Variants in NEMP2 observed in about 807,000 individuals in gnomAD.
NEMP2 encodes UPF0571 transmembrane protein.
NEMP2 carries 53 observed loss-of-function variants against 54.2 expected under a neutral mutation model. The ratio of observed to expected loss-of-function variants is 0.98; its 90% CI spans 0.78 to 1.23. The LOEUF is 1.23. Ranked by LOEUF, NEMP2 falls within the 50% of genes most tolerant of loss-of-function variation. NEMP2 has a pLI of 0.00. For synonymous variants in NEMP2, 197 were observed against 190.3 expected (o/e 1.04, Z -0.29); for missense variants, 455 against 511.3 (o/e 0.89, Z 1.06).
the NEMP2 span, among the ~76,000 whole-genome samples, chr2:190,584,471 C>G: frequency 6.6e-6 from 1 of 152,152 alleles, no homozygotes; most frequent in Non-Finnish European, 1.5e-5. This position sits in a 1 kb window ranked among gnomAD's most constrained non-coding sequence, Gnocchi z 4.2. Context: ...GGGTGTTCAT[C>G]ATGATAGCTC....
the NEMP2 span, among the ~76,000 whole-genome samples, chr2:190,490,685 T>C: frequency 1.3e-5 from 2 of 152,364 alleles, no homozygotes; most frequent in South Asian, 4.1e-4. This position sits in a 1 kb window ranked among gnomAD's most constrained non-coding sequence, Gnocchi z 4.5. Flanking sequence ...TATTAATATG[T>C]AGATGAGAAT....
chr2:190,545,567 G>C, the NEMP2 span, among the ~76,000 whole-genome samples: 1 of 152,124 alleles, frequency 6.6e-6, no homozygotes, highest in African/African-American at 2.4e-5. Context: ...TTAAGACATC[G>C]GGATTGTCTC....
chr2:190,498,360 T>C, the NEMP2 span, among the ~76,000 whole-genome samples: 1 of 152,248 alleles, frequency 6.6e-6, no homozygotes, highest in Non-Finnish European at 1.5e-5. The surrounding 1 kb of genome is among the most constrained non-coding windows in gnomAD (Gnocchi z 5.9). Context: ...CCCCATCTCA[T>C]GATAATCACT....
the NEMP2 span, among the ~76,000 whole-genome samples, chr2:190,620,752 A>C: frequency 6.6e-6 from 1 of 152,258 alleles, no homozygotes; most frequent in African/African-American, 2.4e-5. This position sits in a 1 kb window ranked among gnomAD's most constrained non-coding sequence, Gnocchi z 4.9. Flanking sequence ...ACTGTACAAG[A>C]AGCTCTAGAC....
chr2:190,500,600 ATTATTTATTCT>A (rs1322533994), downstream of NEMP2: 14 of 180,016 alleles, frequency 7.8e-5, no homozygotes, highest in East Asian at 2.0e-3. This position sits in a 1 kb window ranked among gnomAD's most constrained non-coding sequence, Gnocchi z 5.3. Flanking sequence ...CCCTCTTCTG[ATTATTTATTCT>A]TATTTGGTTC....
At chr2:190,442,892 A>C in the NEMP2 span, 1 of 152,188 alleles carries the variant, frequency 6.6e-6, no homozygotes, top group Admixed American at 6.5e-5. Flanking sequence ...CAACAAGGAA[A>C]TCTTGTCGTC....
chr2:190,437,230 T>C, the NEMP2 span: 1 of 1,614,236 alleles, frequency 6.2e-7, no homozygotes, highest in Non-Finnish European at 8.5e-7. This position sits in a 1 kb window ranked among gnomAD's most constrained non-coding sequence, Gnocchi z 5.9. Flanking sequence ...AAACGATGAT[T>C]CTAAAGGGAA....
At chr2:190,580,934 C>T in the NEMP2 span, among the ~76,000 whole-genome samples, 7 of 152,156 alleles carry the variant, frequency 4.6e-5, no homozygotes, top group South Asian at 2.1e-4. The surrounding 1 kb of genome is among the most constrained non-coding windows in gnomAD (Gnocchi z 5.3). Context: ...ATTCTCCAAA[C>T]GCTTATTTAT....
the NEMP2 span, among the ~76,000 whole-genome samples, chr2:190,572,836 TATATATATATATATATATATATATATA>T: frequency 3.2e-5 from 3 of 93,902 alleles, no homozygotes; most frequent in Non-Finnish European, 6.4e-5. Flanking sequence ...TTCATGAGTA[TATATATATATATATATATATATATATA>T]TATATATATA....
chr2:190,476,357 A>G, the NEMP2 span, among the ~76,000 whole-genome samples: 3 of 152,246 alleles, frequency 2.0e-5, no homozygotes, highest in Admixed American at 2.0e-4. Context: ...AAACAAATTT[A>G]TAAGAAAAAA....
the NEMP2 span, among the ~76,000 whole-genome samples, chr2:190,477,739 C>T: frequency 6.1e-3 from 923 of 152,286 alleles, 11 homozygotes; most frequent in African/African-American, 0.021. Flanking sequence ...CACATAATAA[C>T]TATACAGCAT....
At chr2:190,500,285 C>T, downstream of NEMP2, 1 of 1,562,172 alleles carries the variant, frequency 6.4e-7, no homozygotes, top group South Asian at 1.1e-5. The surrounding 1 kb of genome is among the most constrained non-coding windows in gnomAD (Gnocchi z 5.3). Context: ...GGGTGAGGCC[C>T]CCCAGCCAGG....
the NEMP2 span, among the ~76,000 whole-genome samples, chr2:190,493,863 G>A: frequency 6.6e-6 from 1 of 152,060 alleles, no homozygotes; most frequent in African/African-American, 2.4e-5. Context: ...TACAGCAAAG[G>A]CAATGCTAAG....
the NEMP2 span, among the ~76,000 whole-genome samples, chr2:190,638,550 G>A: frequency 6.6e-6 from 1 of 152,158 alleles, no homozygotes; most frequent in African/African-American, 2.4e-5. The surrounding 1 kb of genome is among the most constrained non-coding windows in gnomAD (Gnocchi z 5.7). Flanking sequence ...AGGGTGGAAG[G>A]ACAGAAATGA....
the NEMP2 span, chr2:190,641,166 G>C: frequency 6.6e-6 from 1 of 151,530 alleles, no homozygotes; most frequent in Non-Finnish European, 1.5e-5. Context: ...CTTTTTCTTT[G>C]GCTTTTCACT....
rs908402069 is a variant in NEMP2, at chr2:190,510,548, G to A, written c.954-11C>T. ...CACTGCTCCATTTTCCTAAAACATG[G>A]CATGTGGTTGCAGGATTACTTCCTA... On this transcript the variant is annotated splice_polypyrimidine_tract_variant and intron_variant, in intron 7 of 8. Coordinates refer to ENST00000409150, the MANE Select transcript of NEMP2 (RefSeq NM_001142645.2). The surrounding 1 kb of genome is among the most constrained non-coding windows in gnomAD (Gnocchi z 5.7). 2 of 1,551,476 alleles carry A rather than the reference G, an allele frequency of 1.3e-6. No individual in the cohort carries two copies. The highest frequency in any genetic ancestry group is 1.4e-5 in the African/African-American group (1 of 73,000).
Position 190,530,536 on chromosome 2 carries a change from T to C in NEMP2, c.97+4023A>G, listed in dbSNP as rs554703514. On this transcript the variant is annotated intron_variant, in intron 1 of 8. Coordinates refer to ENST00000409150, the MANE Select transcript of NEMP2 (RefSeq NM_001142645.2). This position sits in a 1 kb window ranked among gnomAD's most constrained non-coding sequence, Gnocchi z 4.6. The stretch of plus-strand genomic sequence containing the variant: ...GACAGTGATTGTCACAAGACTGTTA[T>C]CACAGCTGGCCCACTGTTCTCTCTA... Among the ~76,000 whole-genome samples, 1 of 152,338 alleles carries C rather than the reference T, an allele frequency of 6.6e-6. No individual in the cohort carries two copies. Among genetic ancestry groups the C allele is most frequent in the East Asian group, 1.9e-4 (1 of 5,190 alleles).
At chr2:190,537,537 G>A (rs1435109440), upstream of NEMP2, among the ~76,000 whole-genome samples, 1 of 152,138 alleles carries the variant, frequency 6.6e-6, no homozygotes, top group African/African-American at 2.4e-5. Context: ...AGTTTCCTGA[G>A]GCCTCCCCAG....
chr2:190,632,404 G>A, the NEMP2 span, among the ~76,000 whole-genome samples: 1 of 152,252 alleles, frequency 6.6e-6, no homozygotes. The surrounding 1 kb of genome is among the most constrained non-coding windows in gnomAD (Gnocchi z 4.8). Context: ...TGGATCCCAA[G>A]AAGCTTCTAA....
Sources: gnomAD v4.1 joint callset for allele counts (sites outside exome capture counted in the v4.1 genomes callset) on GRCh38, gnomAD v4.1.1 for gene constraint, Gnocchi (gnomAD v3.1) non-coding constraint, MANE v1.5 for transcripts, NCBI Gene and HGNC (gene_info 2026-07-23, HGNC 2026-07-21) for gene names.